The following RGS7 variants were observed in gnomAD, a reference collection of about 807,000 sequenced individuals.
The protein encoded by RGS7 is regulator of G protein signaling 7.
RGS7 carries 27 observed loss-of-function variants against 81.1 expected under a neutral mutation model. The observed-to-expected ratio is 0.33, with a 90% CI of 0.25 to 0.46. The LOEUF is 0.46. Ranked by LOEUF, RGS7 falls within the 20% of genes least tolerant of loss-of-function variation. RGS7 has a pLI of 1.00. For synonymous variants in RGS7, 208 were observed against 207.7 expected, an observed-to-expected ratio of 1.00 and a Z score of -0.01; for missense variants, 396 against 607.4, an observed-to-expected ratio of 0.65 and a Z score of 3.66.
chr1:240,870,204 T>C, intron 6 of RGS7, 85 bp from the exon 7 acceptor site: 1 of 1,155,080 alleles, frequency 8.7e-7, no homozygotes, highest in Non-Finnish European at 1.3e-6. Flanking sequence ...ATCAAGGGCA[T>C]TGCACTTTTT....
At chr1:241,122,750 A>G (rs765050328) in intron 2 of RGS7, among the ~76,000 whole-genome samples, 14 of 152,190 alleles carry the variant, frequency 9.2e-5, no homozygotes, top group African/African-American at 2.6e-4. Flanking sequence ...GAGCACTTAC[A>G]TTGGCCTACA....
Position 241,138,192 on chromosome 1 carries a change from A to C in RGS7, c.79-39430T>G, listed in dbSNP as rs1179736504. On this transcript the variant is annotated intron_variant, in intron 2 of 18. Transcript: ENST00000440928. ...ATCTCAAAAACAAAAAAAAAAAAAA[A>C]AAGAGGAAATTAGGGAATAACAAAC... is the stretch of plus-strand genomic sequence containing the variant. Among the ~76,000 whole-genome samples the C allele has an allele frequency of 2.0e-5, 3 of 151,934 alleles. No individual in the cohort carries two copies. The East Asian group carries it at 5.8e-4, about 29-fold the overall frequency.
At chr1:241,186,160 A>G (rs953214489) in intron 2 of RGS7, among the ~76,000 whole-genome samples, 2 of 152,180 alleles carry the variant, frequency 1.3e-5, no homozygotes, top group African/African-American at 4.8e-5. Context: ...CAGCATCAAT[A>G]TTTAAGGAAT....
At chr1:240,849,435 T>C (rs1323052125) in intron 9 of RGS7, among the ~76,000 whole-genome samples, 1 of 152,164 alleles carries the variant, frequency 6.6e-6, no homozygotes, top group African/African-American at 2.4e-5. Flanking sequence ...CAAAACTCAG[T>C]CTCTCTACAC....
chr1:240,811,742 T>C lies in RGS7; in HGVS notation c.1082+176A>G, dbSNP rs183080295. ...AAATAAGTTATAAGAAATTGATACG[T>C]TGGACAGCCTTTGCCTTGCTATCTC... On this transcript the variant is annotated intron_variant, in intron 14 of 18. Transcript: ENST00000440928. 3.0e-3 allele frequency among the ~76,000 whole-genome samples: 459 copies of C among 152,346 alleles called. 1 individual carries two copies. The highest frequency in any genetic ancestry group is 0.01 in the African/African-American group (427 of 41,584).
intron 2 of RGS7, among the ~76,000 whole-genome samples, chr1:241,119,005 C>T (rs1444920635): frequency 6.6e-6 from 1 of 152,036 alleles, no homozygotes; most frequent in South Asian, 2.1e-4. Flanking sequence ...ACCCATTTAA[C>T]AAACATGCAC....
intron 2 of RGS7, among the ~76,000 whole-genome samples, chr1:241,234,743 G>A (rs905143297): frequency 6.6e-6 from 1 of 151,946 alleles, no homozygotes; most frequent in Non-Finnish European, 1.5e-5. Flanking sequence ...AGACTTAGTC[G>A]AAAGAGGTTT....
intron 3 of RGS7, among the ~76,000 whole-genome samples, chr1:241,021,147 T>C (rs2059514969): frequency 6.6e-6 from 1 of 152,220 alleles, no homozygotes; most frequent in African/African-American, 2.4e-5. Flanking sequence ...CTATTTTGCA[T>C]GCATCAGTAA....
At chr1:241,261,794 G>A (rs2077350987) in intron 2 of RGS7, among the ~76,000 whole-genome samples, 1 of 152,012 alleles carries the variant, frequency 6.6e-6, no homozygotes, top group South Asian at 2.1e-4. Flanking sequence ...TATTCATCTG[G>A]TGATACTAGA....
In RGS7 at chr1:241,250,487, C is replaced by T. The variant is rs1423966608; in HGVS notation, c.78+105212G>A. On this transcript the variant is annotated intron_variant, in intron 2 of 18. Transcript: ENST00000440928. ...TGGGATTTTTTTTTTTTTGGACACTCACCTTCTGCAAAGTAACAAAAGCAC... is the reference window on the plus strand; with the variant it reads ...TGGGATTTTTTTTTTTTTGGACACTTACCTTCTGCAAAGTAACAAAAGCAC... Among the ~76,000 whole-genome samples the T allele has an allele frequency of 2.6e-5, 4 of 151,160 alleles. No homozygotes were observed. In the East Asian group the frequency reaches 7.8e-4, roughly 29 times the overall value.
At chr1:241,130,114 T>C (rs926530286) in intron 2 of RGS7, among the ~76,000 whole-genome samples, 24 of 152,134 alleles carry the variant, frequency 1.6e-4, no homozygotes, top group Non-Finnish European at 7.3e-5. Context: ...CAATGTGTCA[T>C]TGTAGTTGGA....
intron 3 of RGS7, among the ~76,000 whole-genome samples, chr1:241,077,813 C>A (rs373501811): frequency 6.6e-6 from 1 of 152,100 alleles, no homozygotes; most frequent in South Asian, 2.1e-4. Context: ...AAAAAGAAAG[C>A]GTCTGGATCA....
intron 3 of RGS7, among the ~76,000 whole-genome samples, chr1:241,023,777 C>G (rs1160814365): frequency 6.6e-6 from 1 of 152,198 alleles, no homozygotes; most frequent in Non-Finnish European, 1.5e-5. Flanking sequence ...TGTAGTTTCA[C>G]TCTTGTTGCC....
chr1:241,072,869 C>T (rs1416662310), intron 3 of RGS7, among the ~76,000 whole-genome samples: 1 of 152,118 alleles, frequency 6.6e-6, no homozygotes, highest in Non-Finnish European at 1.5e-5. Flanking sequence ...CCAGGTCTTG[C>T]CACTGTCTGG....
rs540306442 is a variant in RGS7 at position 241,040,039 on chromosome 1, A to G, written c.176-56910T>C. 8.5e-5 allele frequency among the ~76,000 whole-genome samples: 13 copies of G among 152,306 alleles called. No individual in the cohort carries two copies. The South Asian group carries it at 2.7e-3, about 32-fold the overall frequency. On this transcript the variant is annotated intron_variant, in intron 3 of 18. Transcript: ENST00000440928. ...CAACGGCTGAATTTCTTAATATGCT[A>G]TCCTAAGTCTCATCATGATGATACA...
chr1:241,020,948 G>C (rs1326118839), intron 3 of RGS7, among the ~76,000 whole-genome samples: 1 of 152,058 alleles, frequency 6.6e-6, no homozygotes, highest in Non-Finnish European at 1.5e-5. Flanking sequence ...CAAATAATAT[G>C]GTTCTTATGT....
chr1:241,327,278 A>G (rs2081659909), intron 2 of RGS7, among the ~76,000 whole-genome samples: 1 of 151,990 alleles, frequency 6.6e-6, no homozygotes, highest in Non-Finnish European at 1.5e-5. Flanking sequence ...CAACTTCTGA[A>G]CCTCCTGGTG....
intron 2 of RGS7, among the ~76,000 whole-genome samples, chr1:241,136,424 C>T (rs1205587635): frequency 2.0e-5 from 3 of 152,098 alleles, no homozygotes; most frequent in Non-Finnish European, 4.4e-5. Context: ...CTTGTGAAAA[C>T]CTGCCCTAGT....
At chr1:240,962,170 C>A (rs1338329269) in intron 4 of RGS7, among the ~76,000 whole-genome samples, 2 of 152,226 alleles carry the variant, frequency 1.3e-5, no homozygotes, top group East Asian at 3.9e-4. Flanking sequence ...TCAAAGGTCA[C>A]CAATGACTTC....
Sources: gnomAD v4.1 joint callset for allele counts (sites outside exome capture counted in the v4.1 genomes callset) on GRCh38, gnomAD v4.1.1 for gene constraint, MANE v1.5 for transcripts, NCBI Gene and HGNC (gene_info 2026-07-23, HGNC 2026-07-21) for gene names.